FAT2: variants seen among roughly 807,000 people sequenced by gnomAD.
FAT2 encodes the protein protocadherin Fat 2.
In FAT2, 150 loss-of-function variants were observed where a neutral mutation model predicts 295.3. The observed-to-expected ratio is 0.51, with a 90% CI of 0.44 to 0.58. FAT2 has a LOEUF of 0.58. Among genes scored for constraint, FAT2 ranks in the 20% least tolerant of loss-of-function variants. FAT2 has a pLI of 0.00. For missense variants in FAT2, 4,868 were observed against 5,442.7 expected (o/e 0.89, Z 3.32); for synonymous variants, 2,026 against 2,150.3 (o/e 0.94, Z 1.60).
chr5:151,531,645 G>C lies in FAT2; in HGVS notation c.9753C>G (p.Thr3251=), dbSNP rs769890468. Residue 3251 remains threonine, a synonymous_variant, in exon 14 of 24, where the codon ACC becomes ACG. Coordinates refer to ENST00000261800, the MANE Select transcript of FAT2 (RefSeq NM_001447.3). The surrounding 1 kb of genome is among the most constrained non-coding windows in gnomAD (Gnocchi z 5.7). ...ATLTRPGAEK[T]GYRVVSGNEQ... ...CGTTCCCGCTGACCACGCGGTAGCC[G>C]GTCTTCTCTGCGCCCGGGCGAGTGA... is the stretch of plus-strand genomic sequence containing the variant. The C allele has an allele frequency of 1.2e-6, 2 of 1,613,710 alleles. No homozygotes were observed. The highest frequency in any genetic ancestry group is 1.7e-6 in the Non-Finnish European group (2 of 1,179,952).
At chr5:151,537,682 C>CTGAT in intron 12 of FAT2, 111 bp downstream of exon 12, 2 of 1,075,034 alleles carry the variant, frequency 1.9e-6, no homozygotes, top group Non-Finnish European at 2.7e-6. Flanking sequence ...TATATGTTTG[C>CTGAT]TGATAGATGA....
intron 20 of FAT2, among the ~76,000 whole-genome samples, chr5:151,516,754 A>G (rs1752912490): frequency 6.6e-6 from 1 of 152,172 alleles, no homozygotes; most frequent in East Asian, 1.9e-4. Context: ...GATGCTCAAT[A>G]AATCTGTTTT....
At position 151,551,579 on chromosome 5, in the gene FAT2, A is replaced by G. The variant is rs370554638; in HGVS notation, c.4184T>C (p.Ile1395Thr). The G allele has an allele frequency of 1.8e-5, 29 of 1,614,064 alleles. No individual in the cohort carries two copies. Among genetic ancestry groups the G allele is most frequent in the East Asian group, 6.7e-5 (3 of 44,898 alleles). Residue 1395 changes from isoleucine to threonine, a missense_variant, in exon 7 of 24, where the codon ATT becomes ACT. Ile to Thr is a moderately conservative substitution (Grantham distance 89). Coordinates refer to ENST00000261800, the MANE Select transcript of FAT2 (RefSeq NM_001447.3). ...SGGDKDMDFD[I>T]EKTTGSIVIA... ...GACGATGCTGCCTGTGGTCTTCTCA[A>G]TGTCAAAGTCCATGTCCTTATCCCC...
intron 13 of FAT2, 142 bp from the exon 14 acceptor site, chr5:151,532,112 G>A: frequency 9.3e-7 from 1 of 1,080,150 alleles, no homozygotes; most frequent in Middle Eastern, 3.0e-4. Context: ...GAAGAGTGAG[G>A]GTCTCTCCAG....
chr5:151,530,714 G>A (rs1430362452), intron 14 of FAT2, among the ~76,000 whole-genome samples: 1 of 152,154 alleles, frequency 6.6e-6, no homozygotes, highest in Non-Finnish European at 1.5e-5. Flanking sequence ...TTTAGAAAAG[G>A]AGTTCTTATT....
At position 151,545,042 on chromosome 5, in the gene FAT2, C is replaced by T; in HGVS notation, c.6085G>A (p.Asp2029Asn). The T allele has an allele frequency of 6.2e-7, 1 of 1,614,178 alleles. No individual in the cohort carries two copies. Among genetic ancestry groups the T allele is most frequent in the Non-Finnish European group, 8.5e-7 (1 of 1,180,034 alleles). The stretch of plus-strand genomic sequence containing the variant: ...TCATGAGTGTCCTGCTGCTCCCGGT[C>T]AAACGCCACACCTCTTGTCTGCAAC... ...GVLQTRGVAF[D>N]REQQDTHELA... The change falls in exon 10 of 24, where the codon GAC becomes AAC. Residue 2029 changes from aspartate (D) to asparagine (N), a missense_variant. Physicochemically the swap from Asp to Asn is conservative, Grantham distance 23. Transcript: ENST00000261800.
intron 3 of FAT2, among the ~76,000 whole-genome samples, chr5:151,558,241 T>TA (rs1561867803): frequency 6.6e-6 from 1 of 152,170 alleles, no homozygotes; most frequent in Non-Finnish European, 1.5e-5. Context: ...ACATTTTACA[T>TA]AAAAAGGAAT....
chr5:151,550,911 C>A, intron 7 of FAT2, 40 bp from the exon 8 acceptor site: 1 of 1,591,910 alleles, frequency 6.3e-7, no homozygotes, highest in Non-Finnish European at 8.6e-7. Context: ...CTGCAAGCCC[C>A]AGGGGAACAG....
chr5:151,505,849 G>C lies in FAT2; in HGVS notation c.12766C>G (p.Pro4256Ala), dbSNP rs756948000. The C allele has an allele frequency of 6.2e-7, 1 of 1,611,014 alleles. No homozygotes were observed. The highest frequency in any genetic ancestry group is 1.7e-5 in the Admixed American group (1 of 58,800). The change falls in exon 24 of 24, where the codon CCC becomes GCC. Residue 4256 changes from proline to alanine, a missense_variant. Pro to Ala is a conservative substitution (Grantham distance 27). Around this residue, in one of 5 missense-constraint regions of FAT2, gnomAD observed 492 missense variants for 482.6 expected, o/e 1.02. Transcript: ENST00000261800. Reference sequence around the variant, plus strand: ...ACCAGGCGCTCCCGGGGACTAGGGGGCCGAGAGGGCATCAGATCTTCCAGG... The same window carrying C: ...ACCAGGCGCTCCCGGGGACTAGGGGCCCGAGAGGGCATCAGATCTTCCAGG... The part of the protein sequence containing the change: ...QNLEDLMPSR[P>A]PSPRERLVAP...
chr5:151,591,019 C>A (rs1759381996), intron 1 of FAT2, among the ~76,000 whole-genome samples, 146 bp downstream of exon 1: 1 of 152,240 alleles, frequency 6.6e-6, no homozygotes. Flanking sequence ...CCCTGTCTTC[C>A]CTCTCTGTGC....
chr5:151,537,710 C>A (rs766873741), intron 12 of FAT2, 83 bp downstream of exon 12: 9 of 1,379,760 alleles, frequency 6.5e-6, no homozygotes, highest in Non-Finnish European at 8.9e-6. Context: ...CCTGTTTCTT[C>A]TCCAAGGAGA....
chr5:151,544,294 G>C lies in FAT2; in HGVS notation c.6833C>G (p.Thr2278Ser). The stretch of plus-strand genomic sequence containing the variant: ...AGGCAAGCCTTCTGAGATGGAAGTG[G>C]TATAGACCAATTGGGAAAAAGTGGG... ...NPPTFSQLVY[T>S]TSISEGLPAQ... The change falls in exon 10 of 24, where the codon ACC (threonine) becomes AGC (serine). Residue 2278 changes from threonine to serine, a missense_variant. Physicochemically the swap from Thr to Ser is moderately conservative, Grantham distance 58. Coordinates refer to ENST00000261800, the MANE Select transcript of FAT2 (RefSeq NM_001447.3). 1 of 1,614,204 alleles carries C rather than the reference G, an allele frequency of 6.2e-7. No individual in the cohort carries two copies. Among genetic ancestry groups the C allele is most frequent in the Non-Finnish European group, 8.5e-7 (1 of 1,180,040 alleles).
chr5:151,589,575 G>T (rs1201865843), intron 1 of FAT2, among the ~76,000 whole-genome samples: 1 of 152,128 alleles, frequency 6.6e-6, no homozygotes, highest in Non-Finnish European at 1.5e-5. Context: ...AATCACTCCT[G>T]CTCTGTCTAC....
At chr5:151,538,301 T>C (rs1755700377) in intron 11 of FAT2, among the ~76,000 whole-genome samples, 1 of 152,158 alleles carries the variant, frequency 6.6e-6, no homozygotes, top group African/African-American at 2.4e-5. Context: ...ACCCAGTCCT[T>C]TGAGGCTTTT....
rs1232781641 is a variant in FAT2 at position 151,512,028 on chromosome 5, C to T, written c.11905+137G>A. The T allele has an allele frequency of 1.4e-6, 1 of 734,404 alleles. No homozygotes were observed. Among genetic ancestry groups the T allele is most frequent in the Non-Finnish European group, 2.2e-6 (1 of 445,724 alleles). The allele number at this position is 734,404 out of a possible 1,614,324, so 45.5% of individuals were successfully genotyped here. A position where few individuals can be genotyped will look rare whatever the true frequency, so the allele number is the denominator to read the frequency against. ...CTAGTCTAGATATTGCAGATTCCAACCTGTTACTCACAAGTTAGGGGAAGA... is the reference window on the plus strand; with the variant it reads ...CTAGTCTAGATATTGCAGATTCCAATCTGTTACTCACAAGTTAGGGGAAGA... On this transcript the variant is annotated intron_variant, in intron 21 of 23. Coordinates refer to ENST00000261800, the MANE Select transcript of FAT2 (RefSeq NM_001447.3). This position sits in a 1 kb window ranked among gnomAD's most constrained non-coding sequence, Gnocchi z 4.1.
chr5:151,541,831 T>C (rs908743013), intron 10 of FAT2, among the ~76,000 whole-genome samples: 4 of 152,248 alleles, frequency 2.6e-5, no homozygotes, highest in African/African-American at 7.2e-5. Flanking sequence ...GGAAGTGCTG[T>C]CATTCTTACA....
chr5:151,505,692 G>A lies in FAT2; in HGVS notation c.12923C>T (p.Ser4308Phe), dbSNP rs933429201. 9.3e-6 allele frequency: 15 copies of A among 1,614,100 alleles called. No individual in the cohort carries two copies. The highest frequency in any genetic ancestry group is 1.3e-5 in the Non-Finnish European group (15 of 1,179,974). ...VGMRLSRAGP[S>F]YAVCEVEGAP... ...CCCCTCCACCTCACAGACAGCATAA[G>A]AGGGCCCAGCTCGGCTGAGGCGCAT... The change falls in exon 24 of 24, where the codon TCT (serine) becomes TTT (phenylalanine). Residue 4308 changes from serine (S) to phenylalanine (F), a missense_variant. Physicochemically the swap from Ser to Phe is radical, Grantham distance 155 (BLOSUM62 -2). Around this residue, in one of 5 missense-constraint regions of FAT2, gnomAD observed 492 missense variants for 482.6 expected, o/e 1.02. Coordinates refer to ENST00000261800, the MANE Select transcript of FAT2 (RefSeq NM_001447.3).
Position 151,529,338 on chromosome 5 carries a change from A to C in FAT2, c.9866T>G (p.Leu3289Arg). The C allele has an allele frequency of 1.2e-6, 2 of 1,614,164 alleles. No individual in the cohort carries two copies. The highest frequency in any genetic ancestry group is 1.7e-6 in the Non-Finnish European group (2 of 1,180,030). ...GCTCTTCCGGCTGCACTCAATGGAC[A>C]GGAAGTACTTGGGGCTTGTCTCAAA... ...LDFETSPKYF[L>R]SIECSRKSSS... is the part of the protein sequence containing the mutation. Residue 3289 changes from leucine to arginine, a missense_variant, in exon 15 of 24, where the codon CTG (leucine) becomes CGG (arginine). Around this residue, in one of 5 missense-constraint regions of FAT2, gnomAD observed 1,046 missense variants for 1,210.1 expected, o/e 0.86. Coordinates refer to ENST00000261800, the MANE Select transcript of FAT2 (RefSeq NM_001447.3).
Position 151,505,668 on chromosome 5 carries a change from C to T in FAT2, c.12947G>A (p.Gly4316Glu), listed in dbSNP as rs762615278. 6.2e-7 allele frequency: 1 copy of T among 1,613,978 alleles called. No individual in the cohort carries two copies. Among genetic ancestry groups the T allele is most frequent in the South Asian group, 1.1e-5 (1 of 91,078 alleles). ...GPSYAVCEVE[G>E]APLAGQGQPR... ...CTGGCCCTGGCCTGCAAGAGGTGCC[C>T]CCTCCACCTCACAGACAGCATAAGA... Residue 4316 changes from glycine (G) to glutamate (E), a missense_variant, in exon 24 of 24, where the codon GGG (glycine) becomes GAG (glutamate). Gly to Glu is a moderately conservative substitution (Grantham distance 98). Transcript: ENST00000261800.
Sources: gnomAD v4.1 joint callset for allele counts (sites outside exome capture counted in the v4.1 genomes callset) on GRCh38, gnomAD v4.1.1 for gene constraint, gnomAD v4.1.1 regional missense constraint, Gnocchi (gnomAD v3.1) non-coding constraint, MANE v1.5 for transcripts, NCBI Gene and HGNC (gene_info 2026-07-23, HGNC 2026-07-21) for gene names.